DNAJB11: variants seen among roughly 807,000 people sequenced by gnomAD.
The protein encoded by DNAJB11 is DnaJ heat shock protein family (Hsp40) member B11.
Under a neutral mutation model 47.2 loss-of-function variants are expected in DNAJB11, and 30 were observed. The observed-to-expected ratio is 0.64, with a 90% CI of 0.48 to 0.86. The LOEUF (loss-of-function observed/expected upper bound fraction) is 0.86. Among genes scored for constraint, DNAJB11 ranks in the 40% least tolerant of loss-of-function variants. The pLI is 0.00. For synonymous variants in DNAJB11, 151 were observed against 159.9 expected (o/e 0.94, Z 0.42); for missense variants, 357 against 440.2 (o/e 0.81, Z 1.69).
intron 2 of DNAJB11, among the ~76,000 whole-genome samples, chr3:186,574,761 T>G (rs1286157352): frequency 6.6e-6 from 1 of 152,202 alleles, no homozygotes; most frequent in Non-Finnish European, 1.5e-5. Context: ...ATGTGTCCTG[T>G]GTGAATATGC....
Position 186,585,278 on chromosome 3 carries a change from G to C in DNAJB11, c.1013-66G>C. On this transcript the variant is annotated intron_variant, in intron 9 of 9. Coordinates refer to ENST00000265028, the MANE Select transcript of DNAJB11 (RefSeq NM_016306.6). ...TTTTATGAGCTTTTTCTTGAAATAT[G>C]CTCTTTAAACGCTAGGAAAGTAACA... 4 of 1,312,248 alleles carry C rather than the reference G, an allele frequency of 3.0e-6. No homozygotes were observed. In the Admixed American group the frequency reaches 6.1e-5, roughly 20 times the overall value. 81.3% of individuals were successfully genotyped at this position (1,312,248 alleles called of 1,614,324 possible). A position where few individuals can be genotyped will look rare whatever the true frequency, so the allele number is the denominator to read the frequency against.
chr3:186,582,892 T>G, intron 7 of DNAJB11, 119 bp downstream of exon 7: 1 of 762,178 alleles, frequency 1.3e-6, no homozygotes, highest in South Asian at 1.6e-5. Flanking sequence ...AAACGATGAT[T>G]TGTAACTCCT....
Position 186,584,297 on chromosome 3 carries a change from T to C in DNAJB11, c.853-133T>C, listed in dbSNP as rs141353068. On this transcript the variant is annotated intron_variant, in intron 8 of 9. Coordinates refer to ENST00000265028, the MANE Select transcript of DNAJB11 (RefSeq NM_016306.6). ...CTTGACTCACATTGTCTTAATGGTA[T>C]TTCCTTTGCTCCTTCATTCTTTCTT... The C allele has an allele frequency of 4.0e-4, 358 of 893,812 alleles. No individual in the cohort carries two copies. The African/African-American group carries it at 5.5e-3, about 14-fold the overall frequency. The allele number at this position is 893,812 out of a possible 1,614,324, so 55.4% of individuals were successfully genotyped here.
Position 186,575,855 on chromosome 3 carries a change from G to A in DNAJB11, c.241G>A (p.Glu81Lys). 1 of 1,613,662 alleles carries A rather than the reference G, an allele frequency of 6.2e-7. No homozygotes were observed. Among genetic ancestry groups the A allele is most frequent in the Non-Finnish European group, 8.5e-7 (1 of 1,179,738 alleles). ...TTATCCCCAGGTTCTGTCAGATAGT[G>A]AGAAACGGAAACAGTACGATACTTA... is the stretch of plus-strand genomic sequence containing the variant. ...GAAYEVLSDS[E>K]KRKQYDTYGE... is the part of the protein sequence containing the mutation. The change falls in exon 3 of 10, where the codon GAG becomes AAG. Residue 81 changes from glutamate to lysine, a missense_variant. Coordinates refer to ENST00000265028, the MANE Select transcript of DNAJB11 (RefSeq NM_016306.6).
intron 3 of DNAJB11, among the ~76,000 whole-genome samples, chr3:186,576,792 G>T (rs1182275080): frequency 6.6e-6 from 1 of 152,130 alleles, no homozygotes; most frequent in African/African-American, 2.4e-5. Flanking sequence ...TTGGCTGGCT[G>T]AAGTGATCCC....
intron 3 of DNAJB11, 94 bp from the exon 4 acceptor site, chr3:186,577,574 A>G: frequency 8.3e-7 from 1 of 1,203,902 alleles, no homozygotes; most frequent in South Asian, 1.7e-5. Context: ...ATTGATAGAA[A>G]CAATAGTTTA....
At chr3:186,577,556 C>A in intron 3 of DNAJB11, 112 bp from the exon 4 acceptor site, 1 of 983,454 alleles carries the variant, frequency 1.0e-6, no homozygotes, top group Non-Finnish European at 1.4e-6. Context: ...TGTAGTTTTG[C>A]ACAATGCATT....
intron 4 of DNAJB11, chr3:186,578,129 A>G (rs1389162023): frequency 6.3e-6 from 1 of 159,342 alleles, no homozygotes; most frequent in Non-Finnish European, 1.4e-5. Flanking sequence ...TATCATGTAT[A>G]TATGAATACC....
At chr3:186,577,829 T>C (rs766486511) in intron 4 of DNAJB11, 29 bp downstream of exon 4, 164 of 1,551,780 alleles carry the variant, frequency 1.1e-4, no homozygotes, top group Non-Finnish European at 1.4e-4. Flanking sequence ...GCTGTTCATA[T>C]TGACTCCCAG....
At chr3:186,571,037 G>GGGGGCC in intron 1 of DNAJB11, 72 bp downstream of exon 1, 1 of 940,414 alleles carries the variant, frequency 1.1e-6, no homozygotes, top group Non-Finnish European at 1.6e-6. Context: ...GGGGGTGGGG[G>GGGGGCC]AAGTGGCATT....
chr3:186,579,624 T>C lies in DNAJB11; in HGVS notation c.457-1747T>C, dbSNP rs577386614. 4 of 152,414 alleles carry C rather than the reference T, an allele frequency of 2.6e-5. No individual in the cohort carries two copies. The East Asian group carries it at 7.7e-4, about 29-fold the overall frequency. 9.4% of individuals were successfully genotyped at this position (152,414 alleles called of 1,614,324 possible). A position where few individuals can be genotyped will look rare whatever the true frequency, so the allele number is the denominator to read the frequency against. Reference sequence around the variant, plus strand: ...GACCTTCTCAGGTATCTAGCTGTCTTGGCCTTTGAGCTGATATTCCCTTAC... The same window carrying C: ...GACCTTCTCAGGTATCTAGCTGTCTCGGCCTTTGAGCTGATATTCCCTTAC... On this transcript the variant is annotated intron_variant, in intron 4 of 9. Coordinates refer to ENST00000265028, the MANE Select transcript of DNAJB11 (RefSeq NM_016306.6).
At chr3:186,581,175 A>G in intron 4 of DNAJB11, 196 bp from the exon 5 acceptor site, 1 of 502,482 alleles carries the variant, frequency 2.0e-6, no homozygotes, top group Non-Finnish European at 3.5e-6. Context: ...TCATTTAAGT[A>G]TGTGTTTGCT....
In DNAJB11 at chr3:186,576,980, A is replaced by G. The variant is rs550830808; in HGVS notation, c.324-688A>G. ...CTTCTTAATAACACCAAAAATTAAC[A>G]TTAGATTAAACCACCTGTAGGATTG... On this transcript the variant is annotated intron_variant, in intron 3 of 9. Coordinates refer to ENST00000265028, the MANE Select transcript of DNAJB11 (RefSeq NM_016306.6). 1.3e-3 allele frequency among the ~76,000 whole-genome samples: 194 copies of G among 152,336 alleles called. 1 individual carries two copies. Among genetic ancestry groups the G allele is most frequent in the Admixed American group, 2.4e-3 (37 of 15,300 alleles).
At chr3:186,578,435 T>C (rs565117491) in intron 4 of DNAJB11, 1 of 152,286 alleles carries the variant, frequency 6.6e-6, no homozygotes, top group Non-Finnish European at 1.5e-5. Flanking sequence ...TATGAACCAA[T>C]GTTCATTTTT....
At chr3:186,571,020 G>T (rs1715028227) in intron 1 of DNAJB11, 55 bp downstream of exon 1, 37 of 1,129,128 alleles carry the variant, frequency 3.3e-5, no homozygotes, top group African/African-American at 6.5e-5. Flanking sequence ...TTTGCTGGGG[G>T]GTGGGAGGGG....
chr3:186,575,589 G>A (rs1715263577), intron 2 of DNAJB11, among the ~76,000 whole-genome samples: 1 of 152,180 alleles, frequency 6.6e-6, no homozygotes, highest in African/African-American at 2.4e-5. Flanking sequence ...TTATTTTTTA[G>A]TGACTACACG....
chr3:186,584,603 G>GTGTGTGTGTA lies in DNAJB11; in HGVS notation c.1012+23_1012+24insATGTGTGTGT. 4.8e-6 allele frequency: 2 copies of GTGTGTGTGTA among 419,020 alleles called. No individual in the cohort carries two copies. The highest frequency in any genetic ancestry group is 6.0e-6 in the Non-Finnish European group (2 of 331,044). The allele number at this position is 419,020 out of a possible 1,614,324, so 26.0% of individuals were successfully genotyped here. On this transcript the variant is annotated intron_variant, in intron 9 of 9. Transcript: ENST00000265028. ...AAGCGAGAGAAGGTATGGCATATTA[G>GTGTGTGTGTA]TGTGTGTGTGTGTGTGTGTTTGTGT...
rs1052638550 is a variant in DNAJB11 at position 186,582,726 on chromosome 3, C to T, written c.693C>T (p.His231=). ...ATCTGCTCTGACTAGGTGAGCCTCACGTGGATGGGGAGCCTGGAGATTTAC... is the reference window on the plus strand; with the variant it reads ...ATCTGCTCTGACTAGGTGAGCCTCATGTGGATGGGGAGCCTGGAGATTTAC... The part of the protein sequence containing the change: ...EYPFIGEGEP[H]VDGEPGDLRF... Residue 231 remains histidine (H), a synonymous_variant, in exon 7 of 10, where the codon CAC becomes CAT. Transcript: ENST00000265028. 6.3e-6 allele frequency: 10 copies of T among 1,591,414 alleles called. No individual in the cohort carries two copies. The highest frequency in any genetic ancestry group is 1.8e-5 in the Admixed American group (1 of 56,914).
chr3:186,581,916 T>C, intron 5 of DNAJB11, 79 bp from the exon 6 acceptor site: 1 of 1,186,102 alleles, frequency 8.4e-7, no homozygotes, highest in East Asian at 2.6e-5. Context: ...TCTGATAAAA[T>C]AGGTATAACT....
Sources: allele counts gnomAD v4.1 joint callset (sites outside exome capture counted in the v4.1 genomes callset), GRCh38; gene constraint gnomAD v4.1.1; transcripts MANE v1.5; gene names NCBI Gene and HGNC (gene_info 2026-07-23, HGNC 2026-07-21).